BBX: variants seen among roughly 807,000 people sequenced by gnomAD.
BBX encodes the protein HMG box transcription factor BBX.
Under a neutral mutation model 100.2 loss-of-function variants are expected in BBX, and 30 were observed. The ratio of observed to expected loss-of-function variants is 0.30; its 90% CI spans 0.22 to 0.41. The LOEUF is 0.41. Ranked by LOEUF, BBX falls within the 10% of genes least tolerant of loss-of-function variation. The pLI is 1.00. For synonymous variants in BBX, 376 were observed against 388.1 expected, an observed-to-expected ratio of 0.97 and a Z score of 0.37; for missense variants, 1,023 against 1,129.8, an observed-to-expected ratio of 0.91 and a Z score of 1.35.
At chr3:107,696,544 C>T (rs1031917377) in intron 3 of BBX, among the ~76,000 whole-genome samples, 1 of 151,846 alleles carries the variant, frequency 6.6e-6, no homozygotes, top group South Asian at 2.1e-4. Context: ...CTTCTGGCTT[C>T]TAGAGTTTCT....
chr3:107,669,667 A>G (rs2058926996), intron 3 of BBX, among the ~76,000 whole-genome samples: 1 of 152,160 alleles, frequency 6.6e-6, no homozygotes, highest in African/African-American at 2.4e-5. Context: ...AGTGGTGCCA[A>G]AGGGTTTGAA....
chr3:107,582,240 C>CG (rs35364390), intron 2 of BBX, among the ~76,000 whole-genome samples: 25,886 of 151,010 alleles, frequency 0.17, 2,960 homozygotes, highest in African/African-American at 0.33. Context: ...GGAAAAATTT[C>CG]TGCAGTTTTT....
intron 1 of BBX, 107 bp downstream of exon 1, chr3:107,523,214 GAGC>G (rs1221098987): frequency 2.3e-5 from 5 of 218,854 alleles, no homozygotes; most frequent in East Asian, 1.4e-4. Context: ...TCCGCGGCAG[GAGC>G]AGCGGCGGCG....
Position 107,696,950 on chromosome 3 carries a change from A to G in BBX, c.-9-13502A>G, listed in dbSNP as rs2060651564. On this transcript the variant is annotated intron_variant, in intron 3 of 17. Transcript: ENST00000325805. Reference sequence around the variant, plus strand: ...CTTCTTGCTTCATTTCATTCATTTCATCTTCCATCACTGATACCCTTTCTT... The same window carrying G: ...CTTCTTGCTTCATTTCATTCATTTCGTCTTCCATCACTGATACCCTTTCTT... 3.3e-5 allele frequency among the ~76,000 whole-genome samples: 5 copies of G among 151,616 alleles called. No individual in the cohort carries two copies. The South Asian group carries it at 6.3e-4, about 19-fold the overall frequency.
intron 15 of BBX, among the ~76,000 whole-genome samples, chr3:107,791,941 C>G (rs903509845): frequency 2.0e-5 from 3 of 152,192 alleles, no homozygotes; most frequent in African/African-American, 7.2e-5. Flanking sequence ...GCGGAAGTTT[C>G]AGTGAGCCAA....
At position 107,773,271 on chromosome 3, in the gene BBX, G is replaced by A. The variant is rs774737844; in HGVS notation, c.1550G>A (p.Gly517Asp). The A allele has an allele frequency of 6.2e-7, 1 of 1,614,056 alleles. No homozygotes were observed. Among genetic ancestry groups the A allele is most frequent in the Non-Finnish European group, 8.5e-7 (1 of 1,179,976 alleles). The change falls in exon 11 of 18, where the codon GGC becomes GAC. Residue 517 changes from glycine to aspartate, a missense_variant. Physicochemically the swap from Gly to Asp is moderately conservative, Grantham distance 94. Transcript: ENST00000325805. The surrounding 1 kb of genome is among the most constrained non-coding windows in gnomAD (Gnocchi z 4.1). ...PRKKVRTSSS[G>D]KGSILDAKPP... is the part of the protein sequence containing the mutation. ...AAGAAGGTCCGCACATCCTCAAGTG[G>A]CAAGGGAAGCATTTTGGATGCCAAG...
chr3:107,674,152 C>G (rs977538997), intron 3 of BBX, among the ~76,000 whole-genome samples: 1 of 152,184 alleles, frequency 6.6e-6, no homozygotes, highest in Non-Finnish European at 1.5e-5. Context: ...ATTGGAAATA[C>G]ATGTCAGAGG....
At chr3:107,726,954 TC>T (rs538357569) in intron 5 of BBX, among the ~76,000 whole-genome samples, 2 of 152,170 alleles carry the variant, frequency 1.3e-5, no homozygotes, top group South Asian at 4.1e-4. Flanking sequence ...CAGCACCAGC[TC>T]CCCATTGTAA....
intron 3 of BBX, among the ~76,000 whole-genome samples, chr3:107,676,976 G>A (rs1035731013): frequency 2.6e-5 from 4 of 151,970 alleles, no homozygotes; most frequent in Admixed American, 2.6e-4. Flanking sequence ...AATTGGAACA[G>A]GTTTTTATTT....
rs565269140 is a variant in BBX, at chr3:107,791,284, A to G, written c.2338A>G (p.Ile780Val). ...AAACAAGCAACTCTTCTTGGATGCC[A>G]TTCACCCTACAGAAGGTAAGACAAG... is the stretch of plus-strand genomic sequence containing the variant. ...WSNKQLFLDAIHPTEAIFSED... is the reference protein window; with the variant it reads ...WSNKQLFLDAVHPTEAIFSED... Residue 780 changes from isoleucine (I) to valine (V), a missense_variant, in exon 15 of 18, where the codon ATT (isoleucine) becomes GTT (valine). Transcript: ENST00000325805. 3 of 1,613,306 alleles carry G rather than the reference A, an allele frequency of 1.9e-6. No individual in the cohort carries two copies. The South Asian group carries it at 3.3e-5, about 18-fold the overall frequency.
chr3:107,778,994 C>CATATATATATATAT (rs1286419462), intron 13 of BBX, among the ~76,000 whole-genome samples: 237 of 67,938 alleles, frequency 3.5e-3, no homozygotes, highest in Middle Eastern at 0.012. Context: ...CCTCCAGCAA[C>CATATATATATATAT]ATATATATAT....
At chr3:107,715,832 G>A (rs1218990562) in intron 4 of BBX, among the ~76,000 whole-genome samples, 1 of 152,212 alleles carries the variant, frequency 6.6e-6, no homozygotes, top group Non-Finnish European at 1.5e-5. Context: ...CTTGAACAAT[G>A]ATTGAATGAA....
intron 2 of BBX, among the ~76,000 whole-genome samples, chr3:107,621,138 G>A (rs572489752): frequency 6.6e-6 from 1 of 152,228 alleles, no homozygotes; most frequent in East Asian, 1.9e-4. Flanking sequence ...AGCAGTTACT[G>A]TCTAAAAGTT....
At chr3:107,647,155 T>G (rs917521351) in intron 3 of BBX, among the ~76,000 whole-genome samples, 3 of 152,154 alleles carry the variant, frequency 2.0e-5, no homozygotes, top group Non-Finnish European at 4.4e-5. Flanking sequence ...ATTATGGTTT[T>G]ACTGAGTCAG....
chr3:107,762,636 T>G (rs930469093), intron 10 of BBX, among the ~76,000 whole-genome samples: 1 of 152,224 alleles, frequency 6.6e-6, no homozygotes, highest in African/African-American at 2.4e-5. Flanking sequence ...ATACCTTGGC[T>G]GCAAAACATT....
intron 10 of BBX, among the ~76,000 whole-genome samples, chr3:107,757,066 G>A (rs2065535907): frequency 6.6e-6 from 1 of 151,926 alleles, no homozygotes; most frequent in Admixed American, 6.6e-5. Flanking sequence ...CCCTCTGCTT[G>A]TGCTGGTTAT....
At chr3:107,599,662 A>T (rs2053925162) in intron 2 of BBX, 1 of 152,138 alleles carries the variant, frequency 6.6e-6, no homozygotes. Flanking sequence ...AGATGGCTGT[A>T]AGGTCGTAAT....
intron 3 of BBX, among the ~76,000 whole-genome samples, chr3:107,647,168 G>C (rs946265352): frequency 3.3e-5 from 5 of 152,122 alleles, no homozygotes; most frequent in African/African-American, 1.2e-4. Context: ...TGAGTCAGGA[G>C]TATAGACTAT....
chr3:107,613,826 C>G (rs1169930378), intron 2 of BBX, among the ~76,000 whole-genome samples: 1 of 151,322 alleles, frequency 6.6e-6, no homozygotes, highest in Non-Finnish European at 1.5e-5. Flanking sequence ...TTGCAACAGT[C>G]ATTTTCCTAT....
Sources: gnomAD v4.1 joint callset for allele counts (sites outside exome capture counted in the v4.1 genomes callset) on GRCh38, gnomAD v4.1.1 for gene constraint, Gnocchi (gnomAD v3.1) non-coding constraint, MANE v1.5 for transcripts, NCBI Gene and HGNC (gene_info 2026-07-23, HGNC 2026-07-21) for gene names.